The following CYP4F22 variants were observed in gnomAD, a reference collection of about 807,000 sequenced individuals.
The protein encoded by CYP4F22 is cytochrome P450 family 4 subfamily F member 22.
Under a neutral mutation model 60.4 loss-of-function variants are expected in CYP4F22, and 37 were observed. That is an observed-to-expected ratio of 0.61 (90% CI 0.47 to 0.81). The LOEUF is 0.81. Among genes scored for constraint, CYP4F22 ranks in the 30% least tolerant of loss-of-function variants. The pLI is 0.00. For missense variants in CYP4F22, 655 were observed against 715.0 expected, an observed-to-expected ratio of 0.92 and a Z score of 0.96; for synonymous variants, 258 against 280.5, an observed-to-expected ratio of 0.92 and a Z score of 0.80.
chr19:15,546,331 C>G (rs1971526090), intron 10 of CYP4F22, among the ~76,000 whole-genome samples: 1 of 152,072 alleles, frequency 6.6e-6, no homozygotes, highest in African/African-American at 2.4e-5. Context: ...TGCCTGTAAT[C>G]CCAGCACTTT....
rs767066474 is a variant in CYP4F22, at chr19:15,540,572, G to A, written c.794G>A (p.Arg265Gln). ...CGCTCGGCGGATGGGCGGAGGTTCCGGCAGGCCTGTGACATGGTGCACCAC... is the reference window on the plus strand; with the variant it reads ...CGCTCGGCGGATGGGCGGAGGTTCCAGCAGGCCTGTGACATGGTGCACCAC... Reference protein sequence around the residue: ...YYRSADGRRFRQACDMVHHFT... With the variant: ...YYRSADGRRFQQACDMVHHFT... The change falls in exon 8 of 14, where the codon CGG (arginine) becomes CAG (glutamine). Residue 265 changes from arginine (R) to glutamine (Q), a missense_variant. Physicochemically the swap from Arg to Gln is conservative, Grantham distance 43 (BLOSUM62 1). This residue lies in a region of CYP4F22 where 430 missense variants were observed against 457.1 expected (regional missense o/e 0.94). Transcript: ENST00000269703. 191 of 1,614,070 alleles carry A rather than the reference G, an allele frequency of 1.2e-4. No homozygotes were observed. The highest frequency in any genetic ancestry group is 1.4e-4 in the Non-Finnish European group (168 of 1,180,050).
intron 12 of CYP4F22, 59 bp downstream of exon 12, chr19:15,549,261 GA>G: frequency 6.3e-7 from 1 of 1,585,140 alleles, no homozygotes; most frequent in Non-Finnish European, 8.7e-7. Context: ...GCGCCCCAGG[GA>G]GCCAGCGAGC....
chr19:15,517,161 A>AT (rs60965318), intron 1 of CYP4F22, among the ~76,000 whole-genome samples: 47,066 of 150,972 alleles, frequency 0.31, 8,622 homozygotes, highest in East Asian at 0.65. Flanking sequence ...TGGCTGCACT[A>AT]TTTTTTTTTG....
intron 7 of CYP4F22, among the ~76,000 whole-genome samples, 176 bp downstream of exon 7, chr19:15,538,169 C>CA (rs890371202): frequency 1.4e-4 from 21 of 151,072 alleles, no homozygotes; most frequent in African/African-American, 4.6e-4. Flanking sequence ...TTTTTTTAAT[C>CA]AAAAAAATGG....
intron 10 of CYP4F22, among the ~76,000 whole-genome samples, chr19:15,545,065 C>T (rs1409859281): frequency 6.7e-6 from 1 of 150,318 alleles, no homozygotes; most frequent in African/African-American, 2.4e-5. Flanking sequence ...CTGTCCCCAC[C>T]CCCCCACAAA....
chr19:15,514,180 G>T (rs1432561036), intron 1 of CYP4F22, among the ~76,000 whole-genome samples: 1 of 152,134 alleles, frequency 6.6e-6, no homozygotes, highest in East Asian at 1.9e-4. Flanking sequence ...CTTATTCAAG[G>T]TTTTTGAAAG....
intron 3 of CYP4F22, among the ~76,000 whole-genome samples, chr19:15,527,610 G>T (rs1038460440): frequency 1.3e-5 from 2 of 152,234 alleles, no homozygotes; most frequent in African/African-American, 4.8e-5. Context: ...ACGTTGTCCT[G>T]CCCAGCTCCT....
In CYP4F22 at chr19:15,540,463, T is replaced by G. The variant is rs746956755; in HGVS notation, c.685T>G (p.Tyr229Asp). ...TCTCCTTGGCAGGAAGATGAGTGAT[T>G]ATATCTCCGCTATCATTGAACTGAG... ...NSNCQEKMSD[Y>D]ISAIIELSAL... Residue 229 changes from tyrosine to aspartate, a missense_variant, in exon 8 of 14, where the codon TAT becomes GAT. Coordinates refer to ENST00000269703, the MANE Select transcript of CYP4F22 (RefSeq NM_173483.4). The G allele has an allele frequency of 6.2e-7, 1 of 1,614,140 alleles. No homozygotes were observed. The highest frequency in any genetic ancestry group is 1.1e-5 in the South Asian group (1 of 91,072).
At chr19:15,547,822 TAA>T (rs1032820788) in intron 10 of CYP4F22, among the ~76,000 whole-genome samples, 1 of 138,836 alleles carries the variant, frequency 7.2e-6, no homozygotes, top group Non-Finnish European at 1.6e-5. Context: ...AACTCGGTCT[TAA>T]AAAAAAAAAA....
intron 1 of CYP4F22, among the ~76,000 whole-genome samples, chr19:15,514,630 C>T (rs539686342): frequency 4.8e-4 from 73 of 151,776 alleles, no homozygotes; most frequent in Non-Finnish European, 9.3e-4. Context: ...AAGACTGTGC[C>T]GTTGCACTCC....
intron 1 of CYP4F22, among the ~76,000 whole-genome samples, chr19:15,519,730 A>T (rs1002693722): frequency 5.3e-5 from 8 of 152,116 alleles, no homozygotes; most frequent in African/African-American, 9.7e-5. Context: ...ACTGAACTGC[A>T]GCCAGGTGGC....
At position 15,537,990 on chromosome 19, in the gene CYP4F22, A is replaced by G. The variant is rs990606848; in HGVS notation, c.668A>G (p.Gln223Arg). 2.5e-6 allele frequency: 4 copies of G among 1,614,134 alleles called. No homozygotes were observed. The highest frequency in any genetic ancestry group is 3.4e-6 in the Non-Finnish European group (4 of 1,180,016). ...KCVFSYNSNC[Q>R]EKMSDYISAI... is the part of the protein sequence containing the mutation. ...GTCTTCAGCTACAACAGCAACTGCC[A>G]AGAGTGAGTGTGACCCTTCTTGGGA... The change falls in exon 7 of 14, where the codon CAA becomes CGA. Residue 223 changes from glutamine (Q) to arginine (R), a missense_variant. This residue lies in a region of CYP4F22 where 430 missense variants were observed against 457.1 expected (regional missense o/e 0.94). Transcript: ENST00000269703.
At chr19:15,548,353 G>A in intron 11 of CYP4F22, 112 bp downstream of exon 11, 1 of 1,501,280 alleles carries the variant, frequency 6.7e-7, no homozygotes, top group Non-Finnish European at 9.2e-7. Flanking sequence ...CCTGCAGATG[G>A]GATAGCTCTC....
intron 10 of CYP4F22, among the ~76,000 whole-genome samples, chr19:15,547,826 A>C (rs957240011): frequency 6.6e-6 from 1 of 151,910 alleles, no homozygotes; most frequent in Non-Finnish European, 1.5e-5. Context: ...CGGTCTTAAA[A>C]AAAAAAAAGA....
intron 13 of CYP4F22, among the ~76,000 whole-genome samples, chr19:15,550,981 C>T (rs1213830900): frequency 6.6e-6 from 1 of 152,126 alleles, no homozygotes; most frequent in Non-Finnish European, 1.5e-5. Context: ...TTCTGGGCTC[C>T]CACGCTCCCA....
Position 15,537,994 on chromosome 19 carries a change from G to C in CYP4F22, c.671+1G>C. ...TCAGCTACAACAGCAACTGCCAAGAGTGAGTGTGACCCTTCTTGGGAAGAT... is the reference window on the plus strand; with the variant it reads ...TCAGCTACAACAGCAACTGCCAAGACTGAGTGTGACCCTTCTTGGGAAGAT... On this transcript the variant is annotated splice_donor_variant, in intron 7 of 13. Coordinates refer to ENST00000269703, the MANE Select transcript of CYP4F22 (RefSeq NM_173483.4). LOFTEE classifies it high-confidence loss of function. The C allele has an allele frequency of 6.2e-7, 1 of 1,614,120 alleles. No individual in the cohort carries two copies. The highest frequency in any genetic ancestry group is 8.5e-7 in the Non-Finnish European group (1 of 1,180,020).
intron 1 of CYP4F22, chr19:15,516,879 G>C (rs1971161955): frequency 3.8e-6 from 1 of 260,512 alleles, no homozygotes; most frequent in Non-Finnish European, 6.8e-6. Flanking sequence ...TGCCAGGCTG[G>C]AGTGCAGTGG....
chr19:15,547,975 G>C (rs566763185), intron 10 of CYP4F22, 133 bp from the exon 11 acceptor site: 4 of 861,360 alleles, frequency 4.6e-6, no homozygotes, highest in Admixed American at 5.5e-5. Flanking sequence ...CCCTGAGAGA[G>C]AGAGAGAGAG....
chr19:15,544,074 G>A (rs1240824740), intron 9 of CYP4F22, 37 bp downstream of exon 9: 50 of 1,614,002 alleles, frequency 3.1e-5, no homozygotes, highest in Non-Finnish European at 4.2e-5. Context: ...AGGGCAGGAA[G>A]GGACATCATT....
Sources: gnomAD v4.1 joint callset for allele counts (sites outside exome capture counted in the v4.1 genomes callset) on GRCh38, gnomAD v4.1.1 for gene constraint, gnomAD v4.1.1 regional missense constraint, MANE v1.5 for transcripts, NCBI Gene and HGNC (gene_info 2026-07-23, HGNC 2026-07-21) for gene names.